Variants in KNDC1 observed in about 807,000 individuals in gnomAD.
KNDC1 encodes the protein kinase non-catalytic C-lobe domain-containing protein 1.
Under a neutral mutation model 172.8 loss-of-function variants are expected in KNDC1, and 106 were observed. That is an observed-to-expected ratio of 0.61 (90% CI 0.52 to 0.72). The LOEUF (loss-of-function observed/expected upper bound fraction) is 0.72. Ranked by LOEUF, KNDC1 falls within the 30% of genes least tolerant of loss-of-function variation. The pLI, the probability that KNDC1 is intolerant of heterozygous loss-of-function variation, is 0.00. For missense variants in KNDC1, 2,325 were observed against 2,394.5 expected, an observed-to-expected ratio of 0.97 and a Z score of 0.61; for synonymous variants, 1,083 against 1,062.2, an observed-to-expected ratio of 1.02 and a Z score of -0.38.
Position 133,198,347 on chromosome 10 carries a change from G to C in KNDC1, c.1917G>C (p.Pro639=). 6.3e-7 allele frequency: 1 copy of C among 1,581,422 alleles called. No individual in the cohort carries two copies. Among genetic ancestry groups the C allele is most frequent in the South Asian group, 1.1e-5 (1 of 87,828 alleles). ...PAPEPSPGFL[P]VNSDTGLVAV... is the part of the protein sequence containing the mutation. ...CCCCTGGCTCCCCAGGCTTCCTGCCGGTGAACAGCGACACCGGGCTTGTGG... is the reference window on the plus strand; with the variant it reads ...CCCCTGGCTCCCCAGGCTTCCTGCCCGTGAACAGCGACACCGGGCTTGTGG... Residue 639 remains proline, a synonymous_variant, in exon 13 of 30, where the codon CCG becomes CCC. Transcript: ENST00000304613.
chr10:133,205,926 C>T (rs1472589032), intron 17 of KNDC1, among the ~76,000 whole-genome samples: 3 of 152,018 alleles, frequency 2.0e-5, no homozygotes, highest in East Asian at 3.9e-4. Context: ...AACGGCCAGG[C>T]GTGGTGGCTC....
intron 25 of KNDC1, 113 bp downstream of exon 25, chr10:133,213,840 C>G: frequency 1.4e-6 from 2 of 1,434,870 alleles, no homozygotes; most frequent in Non-Finnish European, 1.9e-6. Flanking sequence ...TCCAGAGACG[C>G]GAGAGAGTGG....
intron 1 of KNDC1, among the ~76,000 whole-genome samples, chr10:133,161,912 C>G (rs1472626613): frequency 6.6e-6 from 1 of 152,230 alleles, no homozygotes; most frequent in Non-Finnish European, 1.5e-5. Context: ...GCCACGCACA[C>G]AACACGCCGC....
intron 3 of KNDC1, among the ~76,000 whole-genome samples, chr10:133,176,740 G>A (rs969319202): frequency 2.6e-5 from 4 of 152,208 alleles, no homozygotes; most frequent in African/African-American, 9.7e-5. Flanking sequence ...TGTGCTCTGG[G>A]TCCTCAGGTA....
chr10:133,212,990 T>C, intron 24 of KNDC1, 68 bp downstream of exon 24: 1 of 1,375,630 alleles, frequency 7.3e-7, no homozygotes, highest in Non-Finnish European at 1.0e-6. Context: ...TCCGCGCCCA[T>C]AGGGCCCTCA....
In KNDC1 at chr10:133,211,878, G is replaced by A; in HGVS notation, c.4236+20G>A. On this transcript the variant is annotated intron_variant, in intron 23 of 29. Coordinates refer to ENST00000304613, the MANE Select transcript of KNDC1 (RefSeq NM_152643.8). ...AGGAAGGTGGGGTCCTTTCTCAGGG[G>A]AGGTCCTCCCTGGACAGGCGGATGT... The A allele has an allele frequency of 1.3e-6, 2 of 1,596,484 alleles. No homozygotes were observed. Among genetic ancestry groups the A allele is most frequent in the Non-Finnish European group, 1.7e-6 (2 of 1,176,236 alleles).
At chr10:133,212,147 C>T (rs375802240) in intron 23 of KNDC1, among the ~76,000 whole-genome samples, 1 of 151,814 alleles carries the variant, frequency 6.6e-6, no homozygotes, top group Admixed American at 6.6e-5. Context: ...CACCTTCACA[C>T]AGCCATACAT....
intron 17 of KNDC1, among the ~76,000 whole-genome samples, chr10:133,206,421 T>G (rs1378071289): frequency 2.0e-5 from 3 of 151,990 alleles, no homozygotes; most frequent in Non-Finnish European, 4.4e-5. Context: ...CACAAGGGCC[T>G]GACTGTGGGT....
intron 1 of KNDC1, 100 bp downstream of exon 1, chr10:133,160,669 C>T: frequency 1.4e-6 from 1 of 704,854 alleles, no homozygotes; most frequent in South Asian, 2.1e-5. Flanking sequence ...CTCCCGCCTC[C>T]CCAGGCGCCC....
chr10:133,160,670 C>G, intron 1 of KNDC1, 101 bp downstream of exon 1: 1 of 707,478 alleles, frequency 1.4e-6, no homozygotes, highest in South Asian at 2.0e-5. Flanking sequence ...TCCCGCCTCC[C>G]CAGGCGCCCT....
intron 7 of KNDC1, 33 bp downstream of exon 7, chr10:133,188,686 T>TC: frequency 1.2e-6 from 1 of 837,016 alleles, no homozygotes; most frequent in Non-Finnish European, 1.5e-6. Flanking sequence ...CCCCCCGCCG[T>TC]CCCCACCCCC....
rs757586250 is a variant in KNDC1, at chr10:133,186,611, T to A, written c.1263T>A (p.Thr421=). 6.9e-6 allele frequency: 11 copies of A among 1,597,968 alleles called. No homozygotes were observed. The Admixed American group carries it at 8.5e-5, about 12-fold the overall frequency. Residue 421 remains threonine, a synonymous_variant, in exon 6 of 30, where the codon ACT becomes ACA. Coordinates refer to ENST00000304613, the MANE Select transcript of KNDC1 (RefSeq NM_152643.8). The part of the protein sequence containing the change: ...DPRDASGEAQ[T]PRDDERIPEG... ...GAGATGCTAGCGGTGAAGCCCAGAC[T>A]CCCAGGGACGATGAGAGAATTCCAG... is the stretch of plus-strand genomic sequence containing the variant.
At chr10:133,170,503 CCTCT>C (rs1218247017) in intron 3 of KNDC1, among the ~76,000 whole-genome samples, 1 of 152,138 alleles carries the variant, frequency 6.6e-6, no homozygotes, top group African/African-American at 2.4e-5. Flanking sequence ...GTGAGGAGTG[CCTCT>C]CCAGTGAAGC....
chr10:133,171,712 G>A (rs1591223985), intron 3 of KNDC1, among the ~76,000 whole-genome samples: 1 of 152,312 alleles, frequency 6.6e-6, no homozygotes, highest in East Asian at 1.9e-4. Context: ...CTGAGTTCAA[G>A]CAATCCTCCC....
In KNDC1 at chr10:133,201,645, C is replaced by T. The variant is rs777749610; in HGVS notation, c.3134C>T (p.Ala1045Val). The T allele has an allele frequency of 4.3e-6, 7 of 1,613,032 alleles. No individual in the cohort carries two copies. Among genetic ancestry groups the T allele is most frequent in the African/African-American group, 1.3e-5 (1 of 75,068 alleles). Residue 1045 changes from alanine (A) to valine (V), a missense_variant, in exon 17 of 30, where the codon GCG (alanine) becomes GTG (valine). Transcript: ENST00000304613. ...CAGAGGTCCGTAAAAGCCGAGAGAG[C>T]GCAGCAGCCTGAGGCTGGCGAGGAC... is the stretch of plus-strand genomic sequence containing the variant. ...RPQRSVKAER[A>V]QQPEAGEDRR...
intron 26 of KNDC1, among the ~76,000 whole-genome samples, chr10:133,218,007 C>T (rs1845502709): frequency 6.6e-6 from 1 of 151,566 alleles, no homozygotes; most frequent in East Asian, 1.9e-4. Context: ...CTGCACCGAG[C>T]CGAGATCGCG....
Position 133,211,747 on chromosome 10 carries a change from C to T in KNDC1, c.4125C>T (p.Ala1375=), listed in dbSNP as rs138202794. 1.7e-5 allele frequency: 28 copies of T among 1,610,044 alleles called. No individual in the cohort carries two copies. The highest frequency in any genetic ancestry group is 2.2e-5 in the South Asian group (2 of 90,998). ...TGGAGGTGGGCATGGACCGGCGGGC[C>T]GAGGGCAACCCTCGCGGCACAGACC... ...GLLEVGMDRR[A]EGNPRGTDLE... Residue 1375 remains alanine, a synonymous_variant, in exon 23 of 30, where the codon GCC becomes GCT. Transcript: ENST00000304613.
chr10:133,166,208 G>A (rs996675873), intron 1 of KNDC1, among the ~76,000 whole-genome samples: 12 of 152,184 alleles, frequency 7.9e-5, no homozygotes, highest in African/African-American at 2.9e-4. Context: ...CTGTGCACTG[G>A]GGGAGGGGGG....
At chr10:133,215,082 C>T (rs1322561385) in intron 26 of KNDC1, among the ~76,000 whole-genome samples, 1 of 152,216 alleles carries the variant, frequency 6.6e-6, no homozygotes, top group African/African-American at 2.4e-5. Context: ...CACCAGGTCC[C>T]GCTCCAAGTA....
Sources: allele counts gnomAD v4.1 joint callset (sites outside exome capture counted in the v4.1 genomes callset), GRCh38; gene constraint gnomAD v4.1.1; transcripts MANE v1.5; gene names NCBI Gene and HGNC (gene_info 2026-07-23, HGNC 2026-07-21).